Variants in RAB6A observed in about 807,000 individuals in gnomAD.
RAB6A encodes the protein ras-related protein Rab-6A.
Under a neutral mutation model 32.3 loss-of-function variants are expected in RAB6A, and 8 were observed. The ratio of observed to expected loss-of-function variants is 0.25; its 90% CI spans 0.15 to 0.45. The LOEUF (loss-of-function observed/expected upper bound fraction) is 0.45. RAB6A is among the 20% of genes least tolerant of loss of function. The pLI, the probability that RAB6A is intolerant of heterozygous loss-of-function variation, is 1.00. For synonymous variants in RAB6A, 73 were observed against 82.1 expected (o/e 0.89, Z 0.60); for missense variants, 104 against 249.4 (o/e 0.42, Z 3.93).
intron 5 of RAB6A, among the ~76,000 whole-genome samples, chr11:73,711,402 C>A (rs1051962410): frequency 1.3e-5 from 2 of 152,152 alleles, no homozygotes; most frequent in African/African-American, 4.8e-5. Context: ...TAGTCATATA[C>A]CCTGAAGATT....
intron 6 of RAB6A, among the ~76,000 whole-genome samples, chr11:73,697,003 A>G (rs1249086881): frequency 2.0e-5 from 3 of 152,198 alleles, no homozygotes; most frequent in Admixed American, 6.5e-5. Context: ...ACTACTGCCC[A>G]CATGGTCTTA....
intron 6 of RAB6A, among the ~76,000 whole-genome samples, chr11:73,697,352 A>C (rs1430036279): frequency 2.0e-5 from 3 of 150,704 alleles, no homozygotes; most frequent in African/African-American, 7.3e-5. Context: ...TTTCTTTTTG[A>C]AACAGTCTCA....
chr11:73,749,192 C>T (rs549839517), intron 1 of RAB6A, among the ~76,000 whole-genome samples: 79 of 152,186 alleles, frequency 5.2e-4, no homozygotes, highest in African/African-American at 1.7e-3. Context: ...TAAAAAGGAA[C>T]GAAGTAATGG....
At chr11:73,691,105 G>A (rs1945553277) in intron 6 of RAB6A, among the ~76,000 whole-genome samples, 1 of 152,146 alleles carries the variant, frequency 6.6e-6, no homozygotes, top group Admixed American at 6.5e-5. Flanking sequence ...GGGGATGGCA[G>A]TGAGTGGGCC....
At chr11:73,760,474 G>A (rs913872055) in intron 1 of RAB6A, 92 bp downstream of exon 1, 6 of 1,473,752 alleles carry the variant, frequency 4.1e-6, no homozygotes, top group Non-Finnish European at 2.7e-6. Context: ...ACGCGAGGCG[G>A]GCAGGGAGCC....
At chr11:73,737,428 A>G (rs1446339383) in intron 1 of RAB6A, among the ~76,000 whole-genome samples, 1 of 152,132 alleles carries the variant, frequency 6.6e-6, no homozygotes, top group Non-Finnish European at 1.5e-5. Flanking sequence ...GGCTGCAGTG[A>G]GCTATGATCA....
At chr11:73,741,822 C>G (rs1008196898) in intron 1 of RAB6A, among the ~76,000 whole-genome samples, 6 of 151,884 alleles carry the variant, frequency 4.0e-5, no homozygotes, top group African/African-American at 1.5e-4. Context: ...AAAATTAAAA[C>G]AAAATGAAAT....
intron 6 of RAB6A, among the ~76,000 whole-genome samples, chr11:73,685,027 G>C (rs903327102): frequency 1.3e-5 from 2 of 152,202 alleles, no homozygotes; most frequent in African/African-American, 4.8e-5. Context: ...TAGTGAAATT[G>C]AAAGGTATTA....
At chr11:73,724,708 G>A (rs960928616) in intron 2 of RAB6A, among the ~76,000 whole-genome samples, 3 of 152,114 alleles carry the variant, frequency 2.0e-5, no homozygotes, top group Admixed American at 2.0e-4. Flanking sequence ...ACATGGTGTC[G>A]ATCTCCAGAC....
At chr11:73,699,587 C>T (rs949406428) in intron 6 of RAB6A, among the ~76,000 whole-genome samples, 1 of 152,136 alleles carries the variant, frequency 6.6e-6, no homozygotes, top group Non-Finnish European at 1.5e-5. Flanking sequence ...TCAATAATTA[C>T]GATGTATCTT....
At chr11:73,719,746 G>T (rs1457784428) in intron 3 of RAB6A, among the ~76,000 whole-genome samples, 2 of 151,678 alleles carry the variant, frequency 1.3e-5, no homozygotes, top group Non-Finnish European at 2.9e-5. Context: ...CTCCCGAGTA[G>T]CTGGGATTAC....
At chr11:73,724,593 T>C (rs1565366211) in intron 2 of RAB6A, among the ~76,000 whole-genome samples, 1 of 151,058 alleles carries the variant, frequency 6.6e-6, no homozygotes, top group Non-Finnish European at 1.5e-5. Flanking sequence ...TTCACGCCAT[T>C]CTCCTGCCTC....
rs1383028677 is a variant in RAB6A at position 73,677,752 on chromosome 11, C to T, written c.*146G>A. The T allele has an allele frequency of 1.1e-5, 16 of 1,502,518 alleles. No individual in the cohort carries two copies. The South Asian group carries it at 1.9e-4, about 18-fold the overall frequency. 93.1% of individuals were successfully genotyped at this position (1,502,518 alleles called of 1,614,324 possible). ...TGTGCTTGTGAAGCTAATAGATCAT[C>T]TCCACGAGACAGGCAGCAATGATGA... On this transcript the variant is annotated 3_prime_UTR_variant, in exon 8 of 8. Coordinates refer to ENST00000336083, the MANE Select transcript of RAB6A (RefSeq NM_198896.2).
At chr11:73,759,942 C>A in intron 1 of RAB6A, 2 of 1,048,192 alleles carry the variant, frequency 1.9e-6, no homozygotes, top group Non-Finnish European at 1.3e-6. Context: ...CCCCCAACCA[C>A]CCCATGCTCA....
intron 1 of RAB6A, among the ~76,000 whole-genome samples, chr11:73,744,414 G>A (rs951429506): frequency 6.7e-6 from 1 of 148,796 alleles, no homozygotes; most frequent in African/African-American, 2.5e-5. Context: ...AGGAGGCTGA[G>A]GGAGGAGTAT....
intron 1 of RAB6A, among the ~76,000 whole-genome samples, chr11:73,731,684 T>TTATATATA (rs1157961323): frequency 4.2e-3 from 60 of 14,392 alleles, no homozygotes; most frequent in Non-Finnish European, 5.3e-3. Flanking sequence ...TAGATAGATA[T>TTATATATA]TATATATATA....
At chr11:73,698,202 C>A (rs187129086) in intron 6 of RAB6A, among the ~76,000 whole-genome samples, 1 of 152,078 alleles carries the variant, frequency 6.6e-6, no homozygotes, top group African/African-American at 2.4e-5. Flanking sequence ...GCCTGGGTGA[C>A]AGAGTGAGAC....
At chr11:73,758,688 C>G (rs1328423916) in intron 1 of RAB6A, among the ~76,000 whole-genome samples, 1 of 152,140 alleles carries the variant, frequency 6.6e-6, no homozygotes, top group Non-Finnish European at 1.5e-5. Context: ...CCTTTTTAGG[C>G]AGGAAGATGA....
chr11:73,689,899 A>G (rs973856078), intron 6 of RAB6A, among the ~76,000 whole-genome samples: 4 of 151,302 alleles, frequency 2.6e-5, no homozygotes, highest in African/African-American at 9.7e-5. Flanking sequence ...CCGTCTCAAA[A>G]AAAAAAAAAA....
Sources: gnomAD v4.1 joint callset for allele counts (sites outside exome capture counted in the v4.1 genomes callset) on GRCh38, gnomAD v4.1.1 for gene constraint, MANE v1.5 for transcripts, NCBI Gene and HGNC (gene_info 2026-07-23, HGNC 2026-07-21) for gene names.